SYT16: variants seen among roughly 807,000 people sequenced by gnomAD.
SYT16 encodes the protein synaptotagmin 16, also known as synaptotagmin-16.
SYT16 carries 42 observed loss-of-function variants against 61.4 expected under a neutral mutation model. That is an observed-to-expected ratio of 0.68 (90% CI 0.53 to 0.89). The LOEUF (loss-of-function observed/expected upper bound fraction) is 0.89, where lower values mean the gene tolerates loss of function less well. SYT16 is among the 40% of genes least tolerant of loss of function. The pLI, the probability that SYT16 is intolerant of heterozygous loss-of-function variation, is 0.00. For missense variants in SYT16, 804 were observed against 807.3 expected, an observed-to-expected ratio of 1.00 and a Z score of 0.05; for synonymous variants, 314 against 302.3, an observed-to-expected ratio of 1.04 and a Z score of -0.40.
In SYT16 at chr14:61,898,951, G is replaced by A. The variant is rs866420307; in HGVS notation, c.-324-71181G>A. On this transcript the variant is annotated intron_variant, in intron 1 of 7. Transcript: ENST00000683842. ...AATTGAGTTTTATTTTTCATATTGG[G>A]CAGAATGGAGGATCAAAGTCAGAAA... 2.0e-5 allele frequency among the ~76,000 whole-genome samples: 3 copies of A among 152,236 alleles called. No homozygotes were observed. The Middle Eastern group carries it at 0.01, about 518-fold the overall frequency.
chr14:61,941,147 G>C (rs1430917833), intron 1 of SYT16, among the ~76,000 whole-genome samples: 5 of 152,144 alleles, frequency 3.3e-5, no homozygotes, highest in Non-Finnish European at 7.4e-5. Context: ...TTGAAGGTGA[G>C]GTTCTCTGGC....
In SYT16 at chr14:61,987,908, AGCCTAGT is replaced by A. The variant is rs1351758845; in HGVS notation, c.-144-7963_-144-7957del. On this transcript the variant is annotated intron_variant, in intron 2 of 7. Coordinates refer to ENST00000683842, the MANE Select transcript of SYT16 (RefSeq NM_001367656.1). ...TTCCATCATTTTTGGCCTACTTTTG[AGCCTAGT>A]GCCTTTTCAAGTGATACAAATGATG... 3.3e-5 allele frequency among the ~76,000 whole-genome samples: 5 copies of A among 152,248 alleles called. No homozygotes were observed. In the South Asian group the frequency reaches 6.2e-4, roughly 19 times the overall value.
At chr14:62,038,339 T>C (rs776101099) in intron 3 of SYT16, among the ~76,000 whole-genome samples, 19 of 150,114 alleles carry the variant, frequency 1.3e-4, no homozygotes, top group Admixed American at 4.7e-4. Flanking sequence ...TACCATACTC[T>C]AGCAGCAGCA....
At chr14:62,037,187 A>G (rs1018216917) in intron 3 of SYT16, among the ~76,000 whole-genome samples, 8 of 108,254 alleles carry the variant, frequency 7.4e-5, no homozygotes, top group Non-Finnish European at 1.6e-4. Flanking sequence ...TTTCAGAAGC[A>G]TGAGCTTTTT....
intron 1 of SYT16, among the ~76,000 whole-genome samples, chr14:61,882,299 A>G (rs1489689236): frequency 6.6e-6 from 1 of 151,752 alleles, no homozygotes. Flanking sequence ...TAATATCACT[A>G]TTCTTTCCAC....
At chr14:61,871,562 A>G (rs2047334207) in intron 1 of SYT16, among the ~76,000 whole-genome samples, 1 of 151,994 alleles carries the variant, frequency 6.6e-6, no homozygotes, top group African/African-American at 2.4e-5. Context: ...CACTTCATTC[A>G]TTTATTCTTT....
intron 3 of SYT16, among the ~76,000 whole-genome samples, chr14:62,056,693 GAC>G (rs1410010557): frequency 1.3e-5 from 2 of 152,186 alleles, no homozygotes; most frequent in African/African-American, 4.8e-5. Context: ...TGGAGGTTAG[GAC>G]TGGGAAAAAC....
intron 2 of SYT16, among the ~76,000 whole-genome samples, chr14:61,974,672 T>G (rs2051708409): frequency 6.6e-6 from 1 of 152,156 alleles, no homozygotes; most frequent in Admixed American, 6.5e-5. Context: ...AGACTGATAC[T>G]TTATCCAAAA....
intron 7 of SYT16, among the ~76,000 whole-genome samples, chr14:62,091,257 T>C (rs1410961207): frequency 1.3e-5 from 2 of 152,198 alleles, no homozygotes; most frequent in Non-Finnish European, 2.9e-5. Context: ...AGCATTTTGT[T>C]CCCTGAGTGA....
At chr14:61,987,638 A>G (rs1490026133) in intron 2 of SYT16, among the ~76,000 whole-genome samples, 3 of 152,194 alleles carry the variant, frequency 2.0e-5, no homozygotes, top group African/African-American at 7.2e-5. Flanking sequence ...TTAGTTTCCT[A>G]TATAACCCGA....
chr14:61,834,140 AT>A (rs1012337344), intron 1 of SYT16, among the ~76,000 whole-genome samples: 1 of 151,438 alleles, frequency 6.6e-6, no homozygotes, highest in African/African-American at 2.4e-5. Context: ...ATTCACATTT[AT>A]TTTTTTTGAG....
chr14:61,876,097 CGTGTTTACT>C (rs2047482348), intron 1 of SYT16, among the ~76,000 whole-genome samples: 1 of 152,016 alleles, frequency 6.6e-6, no homozygotes, highest in African/African-American at 2.4e-5. Context: ...TGTGTGAGTG[CGTGTTTACT>C]GTGTTTACTA....
chr14:62,005,577 C>T (rs553791715), intron 3 of SYT16, among the ~76,000 whole-genome samples: 6 of 152,240 alleles, frequency 3.9e-5, no homozygotes, highest in Non-Finnish European at 7.4e-5. Flanking sequence ...CCTTAAACAG[C>T]ATTATGACTT....
intron 2 of SYT16, among the ~76,000 whole-genome samples, chr14:61,986,990 A>G (rs1182218090): frequency 6.6e-6 from 1 of 152,198 alleles, no homozygotes; most frequent in African/African-American, 2.4e-5. Context: ...AGTGAGACAG[A>G]TGGGTATTAA....
intron 3 of SYT16, among the ~76,000 whole-genome samples, chr14:62,067,588 A>T (rs1388503835): frequency 6.6e-6 from 1 of 152,244 alleles, no homozygotes; most frequent in African/African-American, 2.4e-5. Context: ...GCTATTATCA[A>T]AAACACAAAA....
intron 1 of SYT16, among the ~76,000 whole-genome samples, chr14:61,825,852 C>G (rs981507889): frequency 6.6e-6 from 1 of 152,046 alleles, no homozygotes; most frequent in Non-Finnish European, 1.5e-5. Context: ...AATTATTTAT[C>G]TAATTTTTGG....
intron 1 of SYT16, among the ~76,000 whole-genome samples, chr14:61,910,541 T>G (rs1360923786): frequency 6.7e-6 from 1 of 149,844 alleles, no homozygotes; most frequent in Non-Finnish European, 1.5e-5. Flanking sequence ...TTTTTTTTTT[T>G]TTTTTTTGAG....
chr14:61,828,642 G>C (rs1477282665), intron 1 of SYT16, among the ~76,000 whole-genome samples: 2 of 152,156 alleles, frequency 1.3e-5, no homozygotes, highest in Non-Finnish European at 2.9e-5. Flanking sequence ...GTGCAGACTT[G>C]GTAGAAATGG....
chr14:61,958,256 C>A (rs1489517882), intron 1 of SYT16, among the ~76,000 whole-genome samples: 1 of 151,312 alleles, frequency 6.6e-6, no homozygotes, highest in Non-Finnish European at 1.5e-5. Context: ...AATTGTTCTT[C>A]CATTCTCTAG....
Sources: allele counts gnomAD v4.1 joint callset (sites outside exome capture counted in the v4.1 genomes callset), GRCh38; gene constraint gnomAD v4.1.1; transcripts MANE v1.5; gene names NCBI Gene and HGNC (gene_info 2026-07-23, HGNC 2026-07-21).